FMN2: variants seen among roughly 807,000 people sequenced by gnomAD.
The protein encoded by FMN2 is formin 2.
FMN2 carries 51 observed loss-of-function variants against 142.3 expected under a neutral mutation model. That is an observed-to-expected ratio of 0.36 (90% CI 0.29 to 0.45). The LOEUF is 0.45. Among genes scored for constraint, FMN2 ranks in the 20% least tolerant of loss-of-function variants. The pLI, the probability that FMN2 is intolerant of heterozygous loss-of-function variation, is 1.00. For synonymous variants in FMN2, 882 were observed against 869.8 expected (o/e 1.01, Z -0.25); for missense variants, 1,936 against 2,122.8 (o/e 0.91, Z 1.73).
Position 240,334,181 on chromosome 1 carries a change from T to G in FMN2, c.4717T>G (p.Phe1573Val). 6.2e-7 allele frequency: 1 copy of G among 1,606,990 alleles called. No individual in the cohort carries two copies. The highest frequency in any genetic ancestry group is 8.5e-7 in the Non-Finnish European group (1 of 1,178,134). ...CCTTTTTCAGGCCTCACAGATGAAGTTTGAAGATTTTCAAAAAGATCTCAG... is the reference window on the plus strand; with the variant it reads ...CCTTTTTCAGGCCTCACAGATGAAGGTTGAAGATTTTCAAAAAGATCTCAG... The part of the protein sequence containing the change: ...QDLFQASQMK[F>V]EDFQKDLRKL... Residue 1573 changes from phenylalanine to valine, a missense_variant, in exon 13 of 18, where the codon TTT becomes GTT. This residue lies in a region of FMN2 where 322 missense variants were observed against 401.6 expected (regional missense o/e 0.80). Transcript: ENST00000319653.
chr1:240,307,743 A>G (rs895781472), intron 8 of FMN2, among the ~76,000 whole-genome samples: 1 of 152,126 alleles, frequency 6.6e-6, no homozygotes, highest in African/African-American at 2.4e-5. Context: ...TTTCATTTGA[A>G]TTTTAGAATA....
intron 15 of FMN2, among the ~76,000 whole-genome samples, chr1:240,394,217 T>A (rs569077461): frequency 1.2e-4 from 19 of 152,310 alleles, no homozygotes; most frequent in Admixed American, 1.1e-3. Context: ...GGTTGGTTTC[T>A]GGAGAAAGGA....
chr1:240,454,124 T>C (rs1252563507), intron 16 of FMN2, among the ~76,000 whole-genome samples: 1 of 152,196 alleles, frequency 6.6e-6, no homozygotes, highest in Non-Finnish European at 1.5e-5. Context: ...ACTTAATATT[T>C]TAAAATATTC....
chr1:240,248,457 A>G (rs993541004), intron 6 of FMN2, among the ~76,000 whole-genome samples: 1 of 131,446 alleles, frequency 7.6e-6, no homozygotes, highest in East Asian at 2.3e-4. Flanking sequence ...ATATATATAT[A>G]TAACATACAT....
chr1:240,170,364 G>T (rs1241967376), intron 2 of FMN2: 2 of 1,178,658 alleles, frequency 1.7e-6, no homozygotes, highest in Admixed American at 1.7e-5. Flanking sequence ...CAGTGATCTT[G>T]GGACATGAAG....
rs919818268 is a variant in FMN2, at chr1:240,275,067, T to C, written c.4153+17035T>C. 7.4e-5 allele frequency among the ~76,000 whole-genome samples: 10 copies of C among 135,718 alleles called. No individual in the cohort carries two copies. The Middle Eastern group carries it at 0.011, about 149-fold the overall frequency. The allele number at this position is 135,718 out of a possible 152,430, so 89.0% of individuals were successfully genotyped here. A position where few individuals can be genotyped will look rare whatever the true frequency, so the allele number is the denominator to read the frequency against. On this transcript the variant is annotated intron_variant, in intron 7 of 17. Transcript: ENST00000319653. ...GGGAAATTGGGGTCAAGAAAGGGTG[T>C]TCTTTTTTTTAAGTTTTTTTTTTTT...
At chr1:240,370,655 C>T (rs1672830847) in intron 14 of FMN2, among the ~76,000 whole-genome samples, 1 of 152,092 alleles carries the variant, frequency 6.6e-6, no homozygotes, top group South Asian at 2.1e-4. Flanking sequence ...GCTTTGCTCA[C>T]ATGTGTCCAC....
intron 6 of FMN2, among the ~76,000 whole-genome samples, chr1:240,223,984 C>A (rs2103428214): frequency 6.6e-6 from 1 of 152,246 alleles, no homozygotes; most frequent in East Asian, 1.9e-4. Context: ...CTATCTCCTT[C>A]AGTTCTGCTC....
chr1:240,289,020 G>A (rs975266996), intron 7 of FMN2, among the ~76,000 whole-genome samples: 2 of 152,164 alleles, frequency 1.3e-5, no homozygotes, highest in Admixed American at 6.5e-5. Flanking sequence ...CCCACAGAAC[G>A]TGTGAGATAA....
At chr1:240,130,581 G>A (rs1341949590) in intron 2 of FMN2, among the ~76,000 whole-genome samples, 1 of 152,196 alleles carries the variant, frequency 6.6e-6, no homozygotes, top group Non-Finnish European at 1.5e-5. Context: ...TGGGATTACA[G>A]GCGTGAGCCA....
At chr1:240,399,538 A>C (rs943781335) in intron 15 of FMN2, among the ~76,000 whole-genome samples, 2 of 152,158 alleles carry the variant, frequency 1.3e-5, no homozygotes, top group African/African-American at 4.8e-5. Flanking sequence ...CACTTATGGT[A>C]ATGAAGATAG....
intron 2 of FMN2, among the ~76,000 whole-genome samples, chr1:240,136,426 T>TA (rs1434002031): frequency 6.6e-6 from 1 of 152,228 alleles, no homozygotes; most frequent in Non-Finnish European, 1.5e-5. Context: ...AATAGATTTT[T>TA]AAAAAACACA....
intron 2 of FMN2, chr1:240,170,286 C>T (rs1232729946): frequency 2.2e-5 from 25 of 1,115,440 alleles, no homozygotes; most frequent in Non-Finnish European, 3.4e-5. Context: ...GAATCAAGAT[C>T]ATTGCCACTG....
chr1:240,336,649 T>C (rs144520884), intron 13 of FMN2, among the ~76,000 whole-genome samples: 148 of 151,770 alleles, frequency 9.8e-4, no homozygotes, highest in African/African-American at 3.3e-3. Context: ...GTGTGTTCTG[T>C]AGTCACTGAA....
chr1:240,282,162 G>C (rs993963362), intron 7 of FMN2, among the ~76,000 whole-genome samples: 2 of 151,940 alleles, frequency 1.3e-5, no homozygotes, highest in Admixed American at 6.6e-5. Context: ...CCATTTAAGG[G>C]GATAATAACA....
intron 14 of FMN2, among the ~76,000 whole-genome samples, chr1:240,386,016 C>T (rs10754699): frequency 0.46 from 69,966 of 151,976 alleles, 16,258 homozygotes; most frequent in East Asian, 0.59. Flanking sequence ...GAGTATTCCA[C>T]AACATTGTTT....
At chr1:240,258,847 A>T (rs1402605492) in intron 7 of FMN2, among the ~76,000 whole-genome samples, 1 of 152,214 alleles carries the variant, frequency 6.6e-6, no homozygotes, top group African/African-American at 2.4e-5. Context: ...AGCAGATTGA[A>T]TTATCCAATG....
chr1:240,344,990 T>A (rs1030210786), intron 13 of FMN2, among the ~76,000 whole-genome samples: 1 of 152,222 alleles, frequency 6.6e-6, no homozygotes, highest in Non-Finnish European at 1.5e-5. Flanking sequence ...TCTACACATA[T>A]GTGATACAAG....
intron 2 of FMN2, among the ~76,000 whole-genome samples, chr1:240,135,121 T>A (rs1438409926): frequency 1.3e-5 from 2 of 152,180 alleles, no homozygotes; most frequent in Non-Finnish European, 2.9e-5. Flanking sequence ...CATGGAAGAA[T>A]GAATCGTTTT....
Sources: allele counts gnomAD v4.1 joint callset (sites outside exome capture counted in the v4.1 genomes callset), GRCh38; gene constraint gnomAD v4.1.1; regional missense constraint gnomAD v4.1.1; transcripts MANE v1.5; gene names NCBI Gene and HGNC (gene_info 2026-07-23, HGNC 2026-07-21).